The following BPTF variants were observed in gnomAD, a reference collection of about 807,000 sequenced individuals.
The protein encoded by BPTF is nucleosome-remodeling factor subunit BPTF.
In BPTF, 18 loss-of-function variants were observed where a neutral mutation model predicts 292.5. The observed-to-expected ratio is 0.06, with a 90% CI of 0.04 to 0.09. The LOEUF (loss-of-function observed/expected upper bound fraction) is 0.09, where lower values mean the gene tolerates loss of function less well. Ranked by LOEUF, BPTF falls within the 10% of genes least tolerant of loss-of-function variation. The pLI is 1.00. For missense variants in BPTF, 2,726 were observed against 3,498.7 expected, an observed-to-expected ratio of 0.78 and a Z score of 5.57; for synonymous variants, 1,225 against 1,251.9, an observed-to-expected ratio of 0.98 and a Z score of 0.45.
chr17:67,873,284 C>T (rs1364671191), intron 3 of BPTF, among the ~76,000 whole-genome samples: 2 of 151,650 alleles, frequency 1.3e-5, no homozygotes, highest in African/African-American at 4.8e-5. Flanking sequence ...GTGGTGAAAC[C>T]CCGTCTCTAC....
At chr17:67,901,189 A>G (rs949152443) in intron 7 of BPTF, among the ~76,000 whole-genome samples, 5 of 152,132 alleles carry the variant, frequency 3.3e-5, no homozygotes, top group African/African-American at 9.7e-5. Flanking sequence ...AAATAGACCT[A>G]AGCATGGGAA....
At chr17:67,872,500 G>A (rs1481408529) in intron 3 of BPTF, among the ~76,000 whole-genome samples, 4 of 152,140 alleles carry the variant, frequency 2.6e-5, no homozygotes, top group African/African-American at 9.7e-5. Context: ...GAGGTCAGGA[G>A]TTTGAGACCA....
chr17:67,973,369 C>T (rs1043253669), intron 26 of BPTF, among the ~76,000 whole-genome samples: 1 of 149,976 alleles, frequency 6.7e-6, no homozygotes, highest in East Asian at 1.9e-4. Flanking sequence ...GCGAGACTGT[C>T]TCAAGAAAAA....
chr17:67,881,521 A>C (rs1598405283), intron 4 of BPTF, among the ~76,000 whole-genome samples: 1 of 132,564 alleles, frequency 7.5e-6, no homozygotes, highest in African/African-American at 2.8e-5. Flanking sequence ...TTTTTTTGAG[A>C]GACAGAGTCT....
intron 23 of BPTF, chr17:67,957,227 G>A (rs1442486084): frequency 1.3e-5 from 2 of 152,584 alleles, no homozygotes; most frequent in African/African-American, 4.8e-5. Flanking sequence ...AGGTTGCTGT[G>A]AGCCGAGATC....
chr17:67,944,593 A>G (rs2065652671), intron 20 of BPTF: 3 of 575,748 alleles, frequency 5.2e-6, no homozygotes, highest in Non-Finnish European at 9.2e-6. Flanking sequence ...TAAAAAAGAG[A>G]GAGAGAGAAA....
At chr17:67,924,641 T>G (rs1175253916) in intron 15 of BPTF, 52 bp downstream of exon 15, 34 of 1,584,846 alleles carry the variant, frequency 2.1e-5, no homozygotes, top group Non-Finnish European at 2.7e-5. Context: ...GGAGGCTCTT[T>G]CAAAACAAAA....
rs782273218 is a variant in BPTF at position 67,966,555 on chromosome 17, C to CTGCTTT, written c.8455-15_8455-10dup. On this transcript the variant is annotated splice_polypyrimidine_tract_variant and intron_variant, in intron 25 of 27. Coordinates refer to ENST00000306378, the MANE Select transcript of BPTF (RefSeq NM_182641.4). ...AGTGTTTTCACTGACAATAATGATG[C>CTGCTTT]TGCTTTTTCATTATAGGCCCATAAG... 6.2e-7 allele frequency: 1 copy of CTGCTTT among 1,601,372 alleles called. No homozygotes were observed. The highest frequency in any genetic ancestry group is 1.1e-5 in the South Asian group (1 of 90,504).
chr17:67,911,935 G>T lies in BPTF; in HGVS notation c.4051G>T (p.Val1351Phe). ...TGGAAACTGTGAGGACAGGCTGCCG[G>T]TCAAGGGGACTGAAGCAAATGGTAA... ...STGNCEDRLPVKGTEANGKKP... is the reference protein window; with the variant it reads ...STGNCEDRLPFKGTEANGKKP... The change falls in exon 11 of 28, where the codon GTC becomes TTC. Residue 1351 changes from valine to phenylalanine, a missense_variant. Val to Phe is a conservative substitution (Grantham distance 50). Coordinates refer to ENST00000306378, the MANE Select transcript of BPTF (RefSeq NM_182641.4). 1 of 1,614,084 alleles carries T rather than the reference G, an allele frequency of 6.2e-7. No homozygotes were observed. Among genetic ancestry groups the T allele is most frequent in the Non-Finnish European group, 8.5e-7 (1 of 1,180,018 alleles).
Position 67,854,099 on chromosome 17 carries a change from C to T in BPTF, c.773C>T (p.Thr258Ile). 6.2e-7 allele frequency: 1 copy of T among 1,614,134 alleles called. No homozygotes were observed. Among genetic ancestry groups the T allele is most frequent in the East Asian group, 2.2e-5 (1 of 44,884 alleles). The change falls in exon 2 of 28, where the codon ACT becomes ATT. Residue 258 changes from threonine to isoleucine, a missense_variant. Physicochemically the swap from Thr to Ile is moderately conservative, Grantham distance 89. Transcript: ENST00000306378. The surrounding 1 kb of genome is among the most constrained non-coding windows in gnomAD (Gnocchi z 5.6). The stretch of plus-strand genomic sequence containing the variant: ...TACGAGGTACTGCGGAACTTTGGCA[C>T]TGTTTTGAGATTATCTCCTTTTCGC... ...AIYEVLRNFG[T>I]VLRLSPFRFE...
At chr17:67,981,185 A>G (rs1329952900) in intron 27 of BPTF, among the ~76,000 whole-genome samples, 1 of 152,172 alleles carries the variant, frequency 6.6e-6, no homozygotes, top group Non-Finnish European at 1.5e-5. Context: ...AAACAAAATT[A>G]CAATGTAAAG....
chr17:67,836,193 A>G (rs1254422998), intron 1 of BPTF, among the ~76,000 whole-genome samples: 1 of 152,148 alleles, frequency 6.6e-6, no homozygotes, highest in East Asian at 1.9e-4. Context: ...CAAATTATTT[A>G]TCTATGGAAC....
intron 1 of BPTF, among the ~76,000 whole-genome samples, chr17:67,838,515 C>T (rs2057306845): frequency 6.6e-6 from 1 of 152,048 alleles, no homozygotes; most frequent in African/African-American, 2.4e-5. Flanking sequence ...ATCGCTCTGT[C>T]ACCCAAGCTG....
rs10706190 is a variant in BPTF, at chr17:67,907,256, ATT to A, written c.2813-2311_2813-2310del. 2.6e-3 allele frequency among the ~76,000 whole-genome samples: 352 copies of A among 133,122 alleles called. 3 individuals are homozygous for A. The highest frequency in any genetic ancestry group is 8.0e-3 in the African/African-American group (290 of 36,232). 87.3% of individuals were successfully genotyped at this position (133,122 alleles called of 152,430 possible). A position where few individuals can be genotyped will look rare whatever the true frequency, so the allele number is the denominator to read the frequency against. On this transcript the variant is annotated intron_variant, in intron 9 of 27. Coordinates refer to ENST00000306378, the MANE Select transcript of BPTF (RefSeq NM_182641.4). Reference sequence around the variant, plus strand: ...CAGTAGTTCTGTTTTGGGAGGCTTGATTTTTTTTTTTTTTTTGTAATTATTAT... The same window carrying A: ...CAGTAGTTCTGTTTTGGGAGGCTTGATTTTTTTTTTTTTTGTAATTATTAT...
intron 19 of BPTF, among the ~76,000 whole-genome samples, chr17:67,941,231 G>A (rs1478073684): frequency 2.6e-5 from 4 of 152,166 alleles, no homozygotes; most frequent in African/African-American, 4.8e-5. Context: ...CGGGTGGATT[G>A]CTTGAGGTCA....
chr17:67,953,575 AT>A (rs61682820), intron 23 of BPTF, among the ~76,000 whole-genome samples: 45 of 133,866 alleles, frequency 3.4e-4, no homozygotes, highest in African/African-American at 4.2e-4. Context: ...TTGTTCTATA[AT>A]TTTTTTTTTT....
intron 1 of BPTF, among the ~76,000 whole-genome samples, chr17:67,843,380 A>G (rs1258811096): frequency 6.7e-6 from 1 of 149,126 alleles, no homozygotes; most frequent in Admixed American, 6.7e-5. Context: ...TCATTTTTGT[A>G]TTTTTAGTAG....
intron 1 of BPTF, among the ~76,000 whole-genome samples, chr17:67,844,111 A>C (rs1355796766): frequency 1.7e-4 from 15 of 87,190 alleles, no homozygotes; most frequent in Admixed American, 3.3e-4. Flanking sequence ...ATGGAGTCTC[A>C]CTCTGTCACC....
At chr17:67,957,884 A>C (rs1351338367) in intron 23 of BPTF, among the ~76,000 whole-genome samples, 1 of 152,348 alleles carries the variant, frequency 6.6e-6, no homozygotes, top group East Asian at 1.9e-4. Flanking sequence ...GGTCATAGCT[A>C]TGATTTCTTT....
Sources: gnomAD v4.1 joint callset for allele counts (sites outside exome capture counted in the v4.1 genomes callset) on GRCh38, gnomAD v4.1.1 for gene constraint, Gnocchi (gnomAD v3.1) non-coding constraint, MANE v1.5 for transcripts, NCBI Gene and HGNC (gene_info 2026-07-23, HGNC 2026-07-21) for gene names.